The following SRGAP3 variants were observed in gnomAD, a reference collection of about 807,000 sequenced individuals.
SRGAP3 encodes SLIT-ROBO Rho GTPase-activating protein 3.
Under a neutral mutation model 121.1 loss-of-function variants are expected in SRGAP3, and 39 were observed. The observed-to-expected ratio is 0.32, with a 90% CI of 0.25 to 0.42. The LOEUF (loss-of-function observed/expected upper bound fraction) is 0.42. SRGAP3 is among the 10% of genes least tolerant of loss of function. The pLI, the probability that SRGAP3 is intolerant of heterozygous loss-of-function variation, is 1.00. For missense variants in SRGAP3, 1,213 were observed against 1,470.6 expected (o/e 0.82, Z 2.86); for synonymous variants, 601 against 570.0 (o/e 1.05, Z -0.77).
intron 3 of SRGAP3, among the ~76,000 whole-genome samples, chr3:9,279,621 C>A (rs1172450588): frequency 6.7e-6 from 1 of 149,294 alleles, no homozygotes; most frequent in Non-Finnish European, 1.5e-5. Flanking sequence ...TCAAGCAATT[C>A]TCCTGCCTCA....
intron 1 of SRGAP3, among the ~76,000 whole-genome samples, chr3:9,190,232 G>A (rs1951710215): frequency 6.6e-6 from 1 of 152,194 alleles, no homozygotes; most frequent in South Asian, 2.1e-4. Flanking sequence ...AATACCCCAT[G>A]AAGGCCCAGT....
chr3:9,176,322 G>A (rs757988512), intron 1 of SRGAP3, among the ~76,000 whole-genome samples: 1 of 152,192 alleles, frequency 6.6e-6, no homozygotes, highest in Non-Finnish European at 1.5e-5. Flanking sequence ...GCATGAAAAT[G>A]CATATGAAGG....
chr3:9,333,262 T>C (rs1310539793), intron 1 of SRGAP3, among the ~76,000 whole-genome samples: 1 of 152,318 alleles, frequency 6.6e-6, no homozygotes, highest in South Asian at 2.1e-4. Flanking sequence ...TAGTGGTGTT[T>C]AGGGTTGGAT....
At chr3:9,032,591 G>T in intron 12 of SRGAP3, 59 bp downstream of exon 12, 1 of 1,500,220 alleles carries the variant, frequency 6.7e-7, no homozygotes. Context: ...GAGGCGGGCG[G>T]ACAGAGGCTG....
At chr3:9,001,165 A>G (rs1942745919) in intron 18 of SRGAP3, among the ~76,000 whole-genome samples, 2 of 152,186 alleles carry the variant, frequency 1.3e-5, no homozygotes, top group Non-Finnish European at 2.9e-5. Context: ...CTGGTGTTCT[A>G]TTTTACAGTA....
At chr3:9,094,856 G>A (rs1444299432) in intron 3 of SRGAP3, among the ~76,000 whole-genome samples, 1 of 151,904 alleles carries the variant, frequency 6.6e-6, no homozygotes, top group Non-Finnish European at 1.5e-5. Flanking sequence ...CCTGGGCTCA[G>A]GAGATCCTCC....
intron 4 of SRGAP3, among the ~76,000 whole-genome samples, chr3:9,077,606 A>G (rs1010341873): frequency 2.6e-4 from 40 of 152,166 alleles, no homozygotes; most frequent in African/African-American, 9.2e-4. Flanking sequence ...TGGAAATGGC[A>G]AGGCATGGCT....
intron 1 of SRGAP3, among the ~76,000 whole-genome samples, chr3:9,222,533 C>T (rs1952848742): frequency 6.6e-6 from 1 of 152,200 alleles, no homozygotes; most frequent in Non-Finnish European, 1.5e-5. Flanking sequence ...AGCAAGGGAA[C>T]ATGTTAGGTG....
At chr3:9,050,355 A>G (rs971689110) in intron 9 of SRGAP3, among the ~76,000 whole-genome samples, 3 of 152,196 alleles carry the variant, frequency 2.0e-5, no homozygotes, top group African/African-American at 7.2e-5. Flanking sequence ...TGTAATCCCA[A>G]ATGCCTAACT....
chr3:9,360,759 A>G (rs1337516986), intron 1 of SRGAP3, among the ~76,000 whole-genome samples: 3 of 152,078 alleles, frequency 2.0e-5, no homozygotes, highest in Non-Finnish European at 2.9e-5. Flanking sequence ...GCAGGGAATC[A>G]CCCCCATGAT....
intron 1 of SRGAP3, among the ~76,000 whole-genome samples, chr3:9,334,520 A>C (rs1347529800): frequency 6.6e-6 from 1 of 152,228 alleles, no homozygotes; most frequent in Admixed American, 6.5e-5. Flanking sequence ...AATGGATACT[A>C]TGGAAACAGA....
chr3:9,142,064 G>C (rs1313729916), intron 1 of SRGAP3, among the ~76,000 whole-genome samples: 1 of 152,174 alleles, frequency 6.6e-6, no homozygotes, highest in Non-Finnish European at 1.5e-5. Flanking sequence ...ATTCCAACTT[G>C]AAAAAACGAG....
intron 1 of SRGAP3, among the ~76,000 whole-genome samples, chr3:9,345,654 C>G (rs986664778): frequency 3.1e-4 from 47 of 151,440 alleles, no homozygotes; most frequent in African/African-American, 1.1e-3. Context: ...GGCATGGTGG[C>G]AGGCACCTGT....
At chr3:9,258,891 G>A (rs1954191708) in intron 3 of SRGAP3, among the ~76,000 whole-genome samples, 1 of 152,158 alleles carries the variant, frequency 6.6e-6, no homozygotes, top group African/African-American at 2.4e-5. Flanking sequence ...GAACCCGAGT[G>A]AGCTTTTCAC....
rs760401662 is a variant in SRGAP3, at chr3:8,985,960, A to C, written c.2887-28T>G. ...GGGGACAGAGGGAGCTGGGGTCAGC[A>C]CAGTCTGGAGACCTGGAGTCAGGTC... On this transcript the variant is annotated intron_variant, in intron 21 of 21. Transcript: ENST00000383836. The surrounding 1 kb of genome is among the most constrained non-coding windows in gnomAD (Gnocchi z 5.1). 5.6e-6 allele frequency: 9 copies of C among 1,599,438 alleles called. No individual in the cohort carries two copies. The Admixed American group carries it at 6.7e-5, about 12-fold the overall frequency.
At chr3:9,116,231 T>C (rs1480039249) in intron 2 of SRGAP3, among the ~76,000 whole-genome samples, 2 of 152,230 alleles carry the variant, frequency 1.3e-5, no homozygotes, top group Admixed American at 6.5e-5. Flanking sequence ...TAAGGTTGAA[T>C]TGAAGTTTGC....
chr3:9,087,434 T>C (rs1290938833), intron 3 of SRGAP3, among the ~76,000 whole-genome samples: 1 of 151,986 alleles, frequency 6.6e-6, no homozygotes, highest in East Asian at 1.9e-4. Flanking sequence ...CCCAGTTTGC[T>C]GGGGTAGAGT....
chr3:9,286,002 G>C (rs1954760459), intron 3 of SRGAP3, among the ~76,000 whole-genome samples: 1 of 151,762 alleles, frequency 6.6e-6, no homozygotes, highest in Admixed American at 6.6e-5. Flanking sequence ...AGTCCCAGCT[G>C]CTGGGAGGCT....
At chr3:9,206,082 A>T (rs897158263) in intron 1 of SRGAP3, among the ~76,000 whole-genome samples, 1 of 152,226 alleles carries the variant, frequency 6.6e-6, no homozygotes, top group Non-Finnish European at 1.5e-5. Context: ...AATGAACTCA[A>T]TCCCAATGAA....
Sources: allele counts gnomAD v4.1 joint callset (sites outside exome capture counted in the v4.1 genomes callset), GRCh38; gene constraint gnomAD v4.1.1; non-coding constraint Gnocchi (gnomAD v3.1); transcripts MANE v1.5; gene names NCBI Gene and HGNC (gene_info 2026-07-23, HGNC 2026-07-21).